ANKRD27: variants seen among roughly 807,000 people sequenced by gnomAD.
ANKRD27 encodes ankyrin repeat domain 27, also known as ankyrin repeat domain-containing protein 27.
ANKRD27 carries 112 observed loss-of-function variants against 129.7 expected under a neutral mutation model. That is an observed-to-expected ratio of 0.86 (90% CI 0.74 to 1.01). The LOEUF (loss-of-function observed/expected upper bound fraction) is 1.01. Among genes scored for constraint, ANKRD27 ranks in the 50% least tolerant of loss-of-function variants. The pLI, the probability that ANKRD27 is intolerant of heterozygous loss-of-function variation, is 0.00. For missense variants in ANKRD27, 1,258 were observed against 1,300.5 expected, an observed-to-expected ratio of 0.97 and a Z score of 0.50; for synonymous variants, 516 against 511.2, an observed-to-expected ratio of 1.01 and a Z score of -0.13.
intron 1 of ANKRD27, among the ~76,000 whole-genome samples, chr19:32,668,666 G>C (rs1293102603): frequency 6.6e-6 from 1 of 151,512 alleles, no homozygotes; most frequent in South Asian, 2.1e-4. Context: ...TGTAGAGATG[G>C]GGTCTCACTA....
At chr19:32,615,557 C>G (rs1178484609) in intron 22 of ANKRD27, 101 bp downstream of exon 22, 1 of 1,596,982 alleles carries the variant, frequency 6.3e-7, no homozygotes, top group Non-Finnish European at 8.6e-7. Flanking sequence ...GCACTCCGGC[C>G]TGGGTGACAG....
At chr19:32,651,989 G>C (rs12979236) in intron 2 of ANKRD27, among the ~76,000 whole-genome samples, 3,727 of 152,298 alleles carry the variant, frequency 0.024, 77 homozygotes, top group East Asian at 0.12. Flanking sequence ...GCAACCAGAA[G>C]CCAACGCTGG....
At chr19:32,652,172 G>A (rs1035592721) in intron 2 of ANKRD27, among the ~76,000 whole-genome samples, 1 of 152,216 alleles carries the variant, frequency 6.6e-6, no homozygotes, top group Non-Finnish European at 1.5e-5. Context: ...ACTTTCCAGA[G>A]TTACCGGCAT....
chr19:32,628,649 G>A (rs935552914), intron 14 of ANKRD27, 73 bp downstream of exon 14: 29 of 1,585,490 alleles, frequency 1.8e-5, no homozygotes, highest in African/African-American at 1.3e-4. Flanking sequence ...GTCACACAGC[G>A]CACAGTGGAG....
At chr19:32,673,381 C>T (rs1161809531) in intron 1 of ANKRD27, 1 of 985,280 alleles carries the variant, frequency 1.0e-6, no homozygotes, top group Non-Finnish European at 1.2e-6. Context: ...CTGGATTTCA[C>T]TCACGCCTGT....
chr19:32,637,006 C>T (rs1471833504), intron 12 of ANKRD27, among the ~76,000 whole-genome samples: 2 of 152,152 alleles, frequency 1.3e-5, no homozygotes, highest in African/African-American at 2.4e-5. Context: ...CCTTGGCTTC[C>T]CAAAGTGCTG....
intron 13 of ANKRD27, among the ~76,000 whole-genome samples, chr19:32,629,587 C>T (rs908983351): frequency 6.6e-6 from 1 of 152,022 alleles, no homozygotes; most frequent in Non-Finnish European, 1.5e-5. Context: ...GTAATCCCAG[C>T]GACTCGGGAG....
chr19:32,653,637 G>A (rs1967462381), intron 2 of ANKRD27, among the ~76,000 whole-genome samples: 1 of 152,068 alleles, frequency 6.6e-6, no homozygotes, highest in South Asian at 2.1e-4. Context: ...CAATCAGATA[G>A]CAGAGGAGGG....
chr19:32,646,472 C>T lies in ANKRD27; in HGVS notation c.357G>A (p.Lys119=), dbSNP rs1568413620. Residue 119 remains lysine (K), a synonymous_variant, in exon 4 of 29, where the codon AAG becomes AAA. Coordinates refer to ENST00000306065, the MANE Select transcript of ANKRD27 (RefSeq NM_032139.3). ...SILCIAHPLE[K]RESSEEPLAP... ...CTCCCAGAATACCTGAACTCTCTCT[C>T]TTTTCCAAAGGATGGGCTATACACA... 1.2e-6 allele frequency: 2 copies of T among 1,605,890 alleles called. No individual in the cohort carries two copies. The highest frequency in any genetic ancestry group is 2.2e-5 in the East Asian group (1 of 44,848).
intron 16 of ANKRD27, among the ~76,000 whole-genome samples, chr19:32,626,280 G>A (rs1312421227): frequency 3.9e-5 from 6 of 152,110 alleles, no homozygotes; most frequent in Non-Finnish European, 7.3e-5. Flanking sequence ...CAAACCTCCT[G>A]CATCAGCCTC....
chr19:32,617,414 G>A (rs760595814), intron 21 of ANKRD27, among the ~76,000 whole-genome samples, 175 bp downstream of exon 21: 144 of 152,040 alleles, frequency 9.5e-4, no homozygotes, highest in Non-Finnish European at 1.5e-3. Context: ...AGGCATGGCC[G>A]CGCACAACTG....
intron 2 of ANKRD27, among the ~76,000 whole-genome samples, chr19:32,653,148 C>T (rs1262280500): frequency 6.6e-6 from 1 of 152,134 alleles, no homozygotes; most frequent in Non-Finnish European, 1.5e-5. Flanking sequence ...AACCCTGAAA[C>T]CTGGCACGGT....
chr19:32,652,499 C>T (rs981898829), intron 2 of ANKRD27, among the ~76,000 whole-genome samples: 5 of 151,550 alleles, frequency 3.3e-5, no homozygotes, highest in African/African-American at 9.7e-5. Context: ...TGGCTGAGGC[C>T]GGGAGGCAGA....
intron 17 of ANKRD27, among the ~76,000 whole-genome samples, chr19:32,623,262 C>T (rs1972041527): frequency 6.6e-6 from 1 of 152,156 alleles, no homozygotes; most frequent in Non-Finnish European, 1.5e-5. Flanking sequence ...TCTATGGGTG[C>T]CTGGATGTGG....
chr19:32,646,093 A>G (rs1215817475), intron 4 of ANKRD27, among the ~76,000 whole-genome samples: 2 of 150,268 alleles, frequency 1.3e-5, no homozygotes, highest in Non-Finnish European at 1.5e-5. Flanking sequence ...CACCACACCT[A>G]GCTAATTTTT....
At chr19:32,598,711 G>A (rs1971606999) in intron 28 of ANKRD27, among the ~76,000 whole-genome samples, 1 of 152,198 alleles carries the variant, frequency 6.6e-6, no homozygotes, top group African/African-American at 2.4e-5. Context: ...GCTAGCACTT[G>A]ATGGAACTCA....
chr19:32,648,529 G>A (rs187121419), intron 3 of ANKRD27, among the ~76,000 whole-genome samples: 11 of 152,344 alleles, frequency 7.2e-5, no homozygotes, highest in Admixed American at 3.3e-4. Flanking sequence ...GGCCAGGCGC[G>A]GTGGCGCACG....
intron 17 of ANKRD27, among the ~76,000 whole-genome samples, chr19:32,624,024 C>T (rs747629380): frequency 6.6e-6 from 1 of 152,162 alleles, no homozygotes; most frequent in Non-Finnish European, 1.5e-5. Context: ...CAGGGGTGGT[C>T]TTGGAGACCA....
chr19:32,613,052 A>G (rs897990009), intron 22 of ANKRD27, among the ~76,000 whole-genome samples: 2 of 119,398 alleles, frequency 1.7e-5, no homozygotes, highest in African/African-American at 2.9e-5. Flanking sequence ...AAATATCCAC[A>G]TATCTAGAAT....
Sources: allele counts gnomAD v4.1 joint callset (sites outside exome capture counted in the v4.1 genomes callset), GRCh38; gene constraint gnomAD v4.1.1; transcripts MANE v1.5; gene names NCBI Gene and HGNC (gene_info 2026-07-23, HGNC 2026-07-21).